The following PPARGC1A variants were observed in gnomAD, a reference collection of about 807,000 sequenced individuals.
The protein encoded by PPARGC1A is PPARG coactivator 1 alpha.
Under a neutral mutation model 88.7 loss-of-function variants are expected in PPARGC1A, and 25 were observed. The observed-to-expected ratio is 0.28, with a 90% CI of 0.21 to 0.39. The LOEUF is 0.39. Ranked by LOEUF, PPARGC1A falls within the 10% of genes least tolerant of loss-of-function variation. The pLI, the probability that PPARGC1A is intolerant of heterozygous loss-of-function variation, is 1.00. For synonymous variants in PPARGC1A, 363 were observed against 355.6 expected (o/e 1.02, Z -0.24); for missense variants, 880 against 968.7 (o/e 0.91, Z 1.22).
At chr4:23,908,670 T>C (rs1720363760), upstream of PPARGC1A, among the ~76,000 whole-genome samples, 1 of 152,220 alleles carries the variant, frequency 6.6e-6, no homozygotes, top group South Asian at 2.1e-4. Flanking sequence ...ACTCTGCCTA[T>C]GAAATTCTAA....
chr4:23,813,172 A>G lies in PPARGC1A; in HGVS notation c.1794-47T>C, dbSNP rs75084612. 3.3e-4 allele frequency: 498 copies of G among 1,532,296 alleles called. 1 individual carries two copies. The African/African-American group carries it at 6.1e-3, about 19-fold the overall frequency. 94.9% of individuals were successfully genotyped at this position (1,532,296 alleles called of 1,614,324 possible). Reference sequence around the variant, plus strand: ...AAAAGGGCATTTGCAACTGCCACTTAACCCAAGTTTATCGGCACTGTGGAG... The same window carrying G: ...AAAAGGGCATTTGCAACTGCCACTTGACCCAAGTTTATCGGCACTGTGGAG... On this transcript the variant is annotated intron_variant, in intron 8 of 12. Transcript: ENST00000264867.
At chr4:23,910,332 TTA>T in the PPARGC1A span, among the ~76,000 whole-genome samples, 4 of 63,656 alleles carry the variant, frequency 6.3e-5, no homozygotes, top group African/African-American at 2.5e-4. Flanking sequence ...ATATTATATA[TTA>T]TATATATTAT....
chr4:24,429,358 A>C, the PPARGC1A span, among the ~76,000 whole-genome samples: 1 of 152,292 alleles, frequency 6.6e-6, no homozygotes, highest in Admixed American at 6.5e-5. Flanking sequence ...TGCCAAAGAC[A>C]CAAAGATGAG....
intron 7 of PPARGC1A, among the ~76,000 whole-genome samples, chr4:23,822,301 C>T (rs1364199164): frequency 2.6e-5 from 4 of 152,170 alleles, no homozygotes; most frequent in South Asian, 4.2e-4. Context: ...TCCACCCCTA[C>T]GCTTCAAAAT....
the PPARGC1A span, among the ~76,000 whole-genome samples, chr4:24,153,662 T>C: frequency 6.6e-6 from 1 of 152,306 alleles, no homozygotes; most frequent in Admixed American, 6.5e-5. Context: ...CTGTAAACAT[T>C]TCCCCATGTT....
the PPARGC1A span, among the ~76,000 whole-genome samples, chr4:24,393,760 C>A: frequency 1.3e-5 from 2 of 152,144 alleles, no homozygotes; most frequent in African/African-American, 2.4e-5. Flanking sequence ...ATTTGCTTAA[C>A]GTTCTTTTTA....
At chr4:24,451,338 TTTA>T in the PPARGC1A span, among the ~76,000 whole-genome samples, 10 of 152,246 alleles carry the variant, frequency 6.6e-5, no homozygotes, top group African/African-American at 2.4e-4. Flanking sequence ...ACTATCCCTT[TTTA>T]GGCTACTAAA....
At chr4:23,908,517 G>GA (rs5856806), upstream of PPARGC1A, among the ~76,000 whole-genome samples, 42 of 146,958 alleles carry the variant, frequency 2.9e-4, no homozygotes, top group Admixed American at 1.8e-3. Context: ...TAGGGAACAG[G>GA]AAAAAAAAAA....
the PPARGC1A span, among the ~76,000 whole-genome samples, chr4:24,340,681 A>G: frequency 6.6e-6 from 1 of 152,204 alleles, no homozygotes; most frequent in African/African-American, 2.4e-5. Flanking sequence ...CCATGATGGC[A>G]GATTTTTTTT....
At chr4:24,106,564 T>C in the PPARGC1A span, among the ~76,000 whole-genome samples, 1 of 152,124 alleles carries the variant, frequency 6.6e-6, no homozygotes, top group Non-Finnish European at 1.5e-5. Flanking sequence ...AGATCTTCTA[T>C]GGCAGACTGA....
chr4:24,262,297 C>T, the PPARGC1A span, among the ~76,000 whole-genome samples: 12 of 152,174 alleles, frequency 7.9e-5, no homozygotes, highest in Non-Finnish European at 1.5e-4. Context: ...GGGTCCTGTG[C>T]TCATTCTGGA....
chr4:24,002,097 C>CAGAGAGAGAG, the PPARGC1A span, among the ~76,000 whole-genome samples: 1,220 of 125,348 alleles, frequency 9.7e-3, 15 homozygotes, highest in African/African-American at 0.018. Context: ...CACACACACA[C>CAGAGAGAGAG]AGAGAGAGAG....
intron 7 of PPARGC1A, among the ~76,000 whole-genome samples, chr4:23,816,349 G>A (rs1721981615): frequency 6.6e-6 from 1 of 152,108 alleles, no homozygotes. Context: ...GTGCCACTGA[G>A]GCACACTCAA....
the PPARGC1A span, among the ~76,000 whole-genome samples, chr4:24,353,381 T>C: frequency 2.4e-5 from 3 of 126,534 alleles, no homozygotes; most frequent in Non-Finnish European, 3.5e-5. Flanking sequence ...CCTCCCTCTG[T>C]GGGCTTAAAA....
the PPARGC1A span, among the ~76,000 whole-genome samples, chr4:24,030,441 G>A: frequency 1.3e-5 from 2 of 152,204 alleles, no homozygotes; most frequent in Non-Finnish European, 2.9e-5. Context: ...AGAAGTTAAT[G>A]AGTTCCACTA....
chr4:24,136,835 C>A, the PPARGC1A span, among the ~76,000 whole-genome samples: 1 of 152,014 alleles, frequency 6.6e-6, no homozygotes, highest in Non-Finnish European at 1.5e-5. Flanking sequence ...GTAAAATGGA[C>A]CTGGGGTCAG....
the PPARGC1A span, among the ~76,000 whole-genome samples, chr4:24,446,522 C>G: frequency 6.6e-6 from 1 of 151,230 alleles, no homozygotes; most frequent in Non-Finnish European, 1.5e-5. Context: ...AGTAACAGTA[C>G]AGAGGTGTGC....
At chr4:24,013,374 A>C in the PPARGC1A span, among the ~76,000 whole-genome samples, 2 of 151,952 alleles carry the variant, frequency 1.3e-5, no homozygotes, top group Non-Finnish European at 1.5e-5. Flanking sequence ...CTCTAGTCCA[A>C]ATATCACTTC....
chr4:24,208,209 G>A, the PPARGC1A span, among the ~76,000 whole-genome samples: 1 of 152,100 alleles, frequency 6.6e-6, no homozygotes. Flanking sequence ...TATGAGCCTT[G>A]GAGTGTGAGG....
Sources: allele counts gnomAD v4.1 joint callset (sites outside exome capture counted in the v4.1 genomes callset), GRCh38; gene constraint gnomAD v4.1.1; transcripts MANE v1.5; gene names NCBI Gene and HGNC (gene_info 2026-07-23, HGNC 2026-07-21).